Variants in PIK3CG observed in about 807,000 individuals in gnomAD.
PIK3CG encodes phosphatidylinositol 4,5-bisphosphate 3-kinase catalytic subunit gamma isoform.
Under a neutral mutation model 102.3 loss-of-function variants are expected in PIK3CG, and 55 were observed. The observed-to-expected ratio is 0.54, with a 90% confidence interval of 0.43 to 0.67. The LOEUF (loss-of-function observed/expected upper bound fraction) is 0.67. Ranked by LOEUF, PIK3CG falls within the 30% of genes least tolerant of loss-of-function variation. PIK3CG has a pLI of 0.00. For synonymous variants in PIK3CG, 552 were observed against 540.0 expected, an observed-to-expected ratio of 1.02 and a Z score of -0.31; for missense variants, 1,258 against 1,391.8, an observed-to-expected ratio of 0.90 and a Z score of 1.53.
chr7:106,889,348 A>AT (rs36046401), intron 10 of PIK3CG, among the ~76,000 whole-genome samples: 9,801 of 151,822 alleles, frequency 0.065, 653 homozygotes, highest in East Asian at 0.32. Flanking sequence ...CCTTGTGGTA[A>AT]TTTTTTTTTC....
chr7:106,877,630 T>C lies in PIK3CG; in HGVS notation c.2392-1889T>C, dbSNP rs1165408701. 1.3e-5 allele frequency among the ~76,000 whole-genome samples: 2 copies of C among 152,090 alleles called. No individual in the cohort carries two copies. Among genetic ancestry groups the C allele is most frequent in the Non-Finnish European group, 2.9e-5 (2 of 67,998 alleles). ...GAAAAGACTGTTTTGTTTTGTTTTGTTTTGTTTTGTTTTTCCTGGAGAACT... is the reference window on the plus strand; with the variant it reads ...GAAAAGACTGTTTTGTTTTGTTTTGCTTTGTTTTGTTTTTCCTGGAGAACT... On this transcript the variant is annotated intron_variant, in intron 5 of 10. Transcript: ENST00000496166. This position sits in a 1 kb window ranked among gnomAD's most constrained non-coding sequence, Gnocchi z 4.5.
At chr7:106,866,019 A>G (rs181376477) in intron 1 of PIK3CG, among the ~76,000 whole-genome samples, 7 of 152,358 alleles carry the variant, frequency 4.6e-5, no homozygotes, top group African/African-American at 1.7e-4. Flanking sequence ...GGTTTCACTT[A>G]CTAAGTATAA....
rs774060880 is a variant in PIK3CG, at chr7:106,867,706, C to G, written c.145C>G (p.Arg49Gly). ...CGAGTTCGTGCTGCCCACCAGCCAG[C>G]GCAAATGCAAGAGCCCCGAAACGGC... The part of the protein sequence containing the change: ...PIEFVLPTSQ[R>G]KCKSPETALL... The change falls in exon 2 of 11, where the codon CGC (arginine) becomes GGC (glycine). Residue 49 changes from arginine (R) to glycine (G), a missense_variant. Coordinates refer to ENST00000496166, the MANE Select transcript of PIK3CG (RefSeq NM_001282426.2). This position sits in a 1 kb window ranked among gnomAD's most constrained non-coding sequence, Gnocchi z 5.1. 1.5e-5 allele frequency: 25 copies of G among 1,613,090 alleles called. No individual in the cohort carries two copies. Among genetic ancestry groups the G allele is most frequent in the Non-Finnish European group, 2.0e-5 (24 of 1,179,946 alleles).
At position 106,883,235 on chromosome 7, in the gene PIK3CG, G is replaced by A; in HGVS notation, c.2760+72G>A. 4.0e-6 allele frequency: 6 copies of A among 1,493,648 alleles called. No homozygotes were observed. The highest frequency in any genetic ancestry group is 5.6e-6 in the Non-Finnish European group (6 of 1,080,296). 92.5% of individuals were successfully genotyped at this position (1,493,648 alleles called of 1,614,324 possible). On this transcript the variant is annotated intron_variant, in intron 8 of 10. Transcript: ENST00000496166. The surrounding 1 kb of genome is among the most constrained non-coding windows in gnomAD (Gnocchi z 5.8). ...ATTTATATAGCAGTAGTGGCTTCAA[G>A]TTTTCAGAGAATCTGCCAGTGTCTT... is the stretch of plus-strand genomic sequence containing the variant.
intron 10 of PIK3CG, among the ~76,000 whole-genome samples, chr7:106,886,562 C>G (rs949067143): frequency 4.6e-5 from 7 of 152,020 alleles, no homozygotes; most frequent in African/African-American, 1.7e-4. Flanking sequence ...TGTGGAACAC[C>G]AGGATGATGC....
At chr7:106,873,462 G>A (rs771653182) in intron 4 of PIK3CG, among the ~76,000 whole-genome samples, 7 of 152,150 alleles carry the variant, frequency 4.6e-5, no homozygotes, top group Non-Finnish European at 7.3e-5. Context: ...AATTGCATCT[G>A]CATTGAACAT....
rs971435798 is a variant in PIK3CG, at chr7:106,895,174, G to T, written c.3030+8882G>T. Among the ~76,000 whole-genome samples, 1 of 152,210 alleles carries T rather than the reference G, an allele frequency of 6.6e-6. No homozygotes were observed. Among genetic ancestry groups the T allele is most frequent in the Admixed American group, 6.5e-5 (1 of 15,282 alleles). The stretch of plus-strand genomic sequence containing the variant: ...GCATTAAACCAAGTCCTCGAAGTCA[G>T]ATTTTTCCCTTACTCTTCTTCTCTC... On this transcript the variant is annotated intron_variant, in intron 10 of 10. Transcript: ENST00000496166. This position sits in a 1 kb window ranked among gnomAD's most constrained non-coding sequence, Gnocchi z 5.4.
At position 106,897,014 on chromosome 7, in the gene PIK3CG, TATAA is replaced by T. The variant is rs1791426035; in HGVS notation, c.3031-8091_3031-8088del. On this transcript the variant is annotated intron_variant, in intron 10 of 10. Transcript: ENST00000496166. The surrounding 1 kb of genome is among the most constrained non-coding windows in gnomAD (Gnocchi z 4.6). ...CTATAAATTTATATTCTTTTTTCTATATAAATATTTTGTGTTAATTTACCAAAAT... is the reference window on the plus strand; with the variant it reads ...CTATAAATTTATATTCTTTTTTCTATATATTTTGTGTTAATTTACCAAAAT... Among the ~76,000 whole-genome samples, 1 of 152,258 alleles carries T rather than the reference TATAA, an allele frequency of 6.6e-6. No homozygotes were observed. Among genetic ancestry groups the T allele is most frequent in the African/African-American group, 2.4e-5 (1 of 41,462 alleles).
At position 106,902,039 on chromosome 7, in the gene PIK3CG, A is replaced by G. The variant is rs1484099032; in HGVS notation, c.3031-3070A>G. 1.3e-5 allele frequency among the ~76,000 whole-genome samples: 2 copies of G among 152,154 alleles called. No individual in the cohort carries two copies. Among genetic ancestry groups the G allele is most frequent in the Non-Finnish European group, 2.9e-5 (2 of 68,030 alleles). On this transcript the variant is annotated intron_variant, in intron 10 of 10. Coordinates refer to ENST00000496166, the MANE Select transcript of PIK3CG (RefSeq NM_001282426.2). The surrounding 1 kb of genome is among the most constrained non-coding windows in gnomAD (Gnocchi z 4.3). ...ATGACTTGGCACTCCTCGGATGCCC[A>G]CTGCAGCTCTTGTGTAATCTCAGTG...
chr7:106,872,459 A>G lies in PIK3CG; in HGVS notation c.1996-78A>G, dbSNP rs1193337545. 1.9e-6 allele frequency: 2 copies of G among 1,071,104 alleles called. No individual in the cohort carries two copies. The highest frequency in any genetic ancestry group is 2.4e-5 in the East Asian group (1 of 42,324). 66.4% of individuals were successfully genotyped at this position (1,071,104 alleles called of 1,614,324 possible). A position where few individuals can be genotyped will look rare whatever the true frequency, so the allele number is the denominator to read the frequency against. On this transcript the variant is annotated intron_variant, in intron 2 of 10. Transcript: ENST00000496166. The surrounding 1 kb of genome is among the most constrained non-coding windows in gnomAD (Gnocchi z 5.3). ...TGAAGACCCAGTAAAGCAGAGCACC[A>G]GTTCTTCTCCATTTCCTTTTCCCTG...
intron 10 of PIK3CG, among the ~76,000 whole-genome samples, chr7:106,901,604 G>A (rs780207137): frequency 7.9e-5 from 12 of 152,152 alleles, no homozygotes; most frequent in Non-Finnish European, 1.5e-4. Context: ...TTGGAGAACT[G>A]GTGTGGTTGT....
At chr7:106,889,886 C>T (rs961602683) in intron 10 of PIK3CG, among the ~76,000 whole-genome samples, 10 of 152,168 alleles carry the variant, frequency 6.6e-5, no homozygotes, top group Non-Finnish European at 1.3e-4. Context: ...CAAGGCCCAG[C>T]GTTTGAACCC....
chr7:106,901,237 G>A (rs540439979), intron 10 of PIK3CG, among the ~76,000 whole-genome samples: 1 of 150,894 alleles, frequency 6.6e-6, no homozygotes, highest in South Asian at 2.1e-4. Flanking sequence ...ACTTCTCAGT[G>A]GTTTTTTTTT....
chr7:106,899,309 C>G lies in PIK3CG; in HGVS notation c.3031-5800C>G, dbSNP rs1013668788. 6.6e-6 allele frequency among the ~76,000 whole-genome samples: 1 copy of G among 152,140 alleles called. No individual in the cohort carries two copies. The highest frequency in any genetic ancestry group is 1.5e-5 in the Non-Finnish European group (1 of 68,020). The stretch of plus-strand genomic sequence containing the variant: ...GATATAAAATCATGTCATCTGCAAA[C>G]AAAGATAGTTTGACTTCCTTTCTTC... On this transcript the variant is annotated intron_variant, in intron 10 of 10. Transcript: ENST00000496166. The surrounding 1 kb of genome is among the most constrained non-coding windows in gnomAD (Gnocchi z 4.6).
chr7:106,888,324 C>T (rs1289524736), intron 10 of PIK3CG, among the ~76,000 whole-genome samples: 1 of 152,174 alleles, frequency 6.6e-6, no homozygotes, highest in Non-Finnish European at 1.5e-5. Context: ...CTGTTGCTGA[C>T]AACATTCCCA....
At position 106,874,626 on chromosome 7, in the gene PIK3CG, CT is replaced by C; in HGVS notation, c.2288-73del. ...ATAGAATGCTATGAATAAATGTGTTCTCAGGAAATGTAATAGATAATATTGA... is the reference window on the plus strand; with the variant it reads ...ATAGAATGCTATGAATAAATGTGTTCCAGGAAATGTAATAGATAATATTGA... On this transcript the variant is annotated intron_variant, in intron 4 of 10. Coordinates refer to ENST00000496166, the MANE Select transcript of PIK3CG (RefSeq NM_001282426.2). The surrounding 1 kb of genome is among the most constrained non-coding windows in gnomAD (Gnocchi z 4.3). 1 of 1,000,154 alleles carries C rather than the reference CT, an allele frequency of 1.0e-6. No homozygotes were observed. Among genetic ancestry groups the C allele is most frequent in the Non-Finnish European group, 1.6e-6 (1 of 639,238 alleles). 62.0% of individuals were successfully genotyped at this position (1,000,154 alleles called of 1,614,324 possible).
chr7:106,889,167 C>T (rs2116575106), intron 10 of PIK3CG, among the ~76,000 whole-genome samples: 1 of 152,272 alleles, frequency 6.6e-6, no homozygotes, highest in African/African-American at 2.4e-5. Context: ...TACACCTGTT[C>T]TGCTTCCCCT....
rs2116424714 is a variant in PIK3CG at position 106,867,888 on chromosome 7, C to T, written c.327C>T (p.Ile109=). 6.2e-7 allele frequency: 1 copy of T among 1,613,136 alleles called. No individual in the cohort carries two copies. The highest frequency in any genetic ancestry group is 8.5e-7 in the Non-Finnish European group (1 of 1,179,950). ...AGAAGAAGGGGCAGTGGTACGAGAT[C>T]TACGACAAGTACCAGGTGGTGCAGA... ...LYQKKGQWYE[I]YDKYQVVQTL... The change falls in exon 2 of 11, where the codon ATC becomes ATT. Residue 109 remains isoleucine, a synonymous_variant. Coordinates refer to ENST00000496166, the MANE Select transcript of PIK3CG (RefSeq NM_001282426.2). This position sits in a 1 kb window ranked among gnomAD's most constrained non-coding sequence, Gnocchi z 5.1.
chr7:106,898,558 T>C (rs1484395291), intron 10 of PIK3CG, among the ~76,000 whole-genome samples: 3 of 152,138 alleles, frequency 2.0e-5, no homozygotes, highest in South Asian at 4.2e-4. Context: ...TGTTTGTATA[T>C]GGTATAAAGA....
Sources: allele counts gnomAD v4.1 joint callset (sites outside exome capture counted in the v4.1 genomes callset), GRCh38; gene constraint gnomAD v4.1.1; non-coding constraint Gnocchi (gnomAD v3.1); transcripts MANE v1.5; gene names NCBI Gene and HGNC (gene_info 2026-07-23, HGNC 2026-07-21).